TBX20: variants seen among roughly 807,000 people sequenced by gnomAD.
TBX20 encodes T-box transcription factor 20, also known as T-box transcription factor TBX20.
TBX20 carries 8 observed loss-of-function variants against 42.9 expected under a neutral mutation model. That is an observed-to-expected ratio of 0.19 (90% confidence interval 0.11 to 0.34). The LOEUF is 0.34. Ranked by LOEUF, TBX20 falls within the 10% of genes least tolerant of loss-of-function variation. The pLI is 1.00. For missense variants in TBX20, 411 were observed against 566.0 expected (o/e 0.73, Z 2.78); for synonymous variants, 198 against 222.8 (o/e 0.89, Z 0.99).
chr7:35,208,536 A>G (rs189379023), intron 6 of TBX20, among the ~76,000 whole-genome samples: 2,797 of 152,208 alleles, frequency 0.018, 43 homozygotes, highest in Middle Eastern at 0.031. Flanking sequence ...TGAGGTCGGG[A>G]GTTCAAGACC....
intron 1 of TBX20, among the ~76,000 whole-genome samples, chr7:35,253,124 G>C (rs201095103): frequency 7.1e-6 from 1 of 140,400 alleles, no homozygotes; most frequent in Non-Finnish European, 1.6e-5. Flanking sequence ...TAGCGTCTCC[G>C]TTTCAAACGC....
chr7:35,227,481 GT>G (rs2128712976), intron 6 of TBX20, among the ~76,000 whole-genome samples: 1 of 152,086 alleles, frequency 6.6e-6, no homozygotes, highest in South Asian at 2.1e-4. Flanking sequence ...CCTTTTTAAT[GT>G]TTAGGTACAT....
intron 6 of TBX20, among the ~76,000 whole-genome samples, chr7:35,228,920 G>A (rs987719760): frequency 2.0e-5 from 3 of 152,132 alleles, no homozygotes; most frequent in Admixed American, 6.6e-5. Context: ...TGAAGAGTAA[G>A]GCTACACACA....
In TBX20 at chr7:35,205,443, G is replaced by A. The variant is rs530539181; in HGVS notation, c.891-861C>T. 3.5e-3 allele frequency among the ~76,000 whole-genome samples: 527 copies of A among 151,686 alleles called. 2 individuals are homozygous for A. Among genetic ancestry groups the A allele is most frequent in the Non-Finnish European group, 4.8e-3 (329 of 67,962 alleles). ...TTAGTCTGCATGGCACACATTTCTG[G>A]AACAGCTGTGGCCCAAAGACCAATG... is the stretch of plus-strand genomic sequence containing the variant. On this transcript the variant is annotated intron_variant, in intron 6 of 7. Transcript: ENST00000408931.
intron 5 of TBX20, among the ~76,000 whole-genome samples, chr7:35,232,494 C>T (rs1046435134): frequency 2.2e-4 from 33 of 152,114 alleles, no homozygotes; most frequent in African/African-American, 8.0e-4. Flanking sequence ...TGGTCTTATC[C>T]GACAGATAAT....
At chr7:35,219,888 C>A (rs1789651500) in intron 6 of TBX20, among the ~76,000 whole-genome samples, 1 of 152,220 alleles carries the variant, frequency 6.6e-6, no homozygotes, top group South Asian at 2.1e-4. Flanking sequence ...CCAAATCCCA[C>A]TGGGCTTATG....
At chr7:35,210,612 T>C (rs926071485) in intron 6 of TBX20, among the ~76,000 whole-genome samples, 24 of 152,198 alleles carry the variant, frequency 1.6e-4, no homozygotes, top group Non-Finnish European at 2.6e-4. Context: ...TAGGACTGTA[T>C]ATTACCCTTG....
intron 6 of TBX20, among the ~76,000 whole-genome samples, chr7:35,217,151 T>C (rs1317699418): frequency 2.0e-5 from 3 of 152,222 alleles, no homozygotes; most frequent in Non-Finnish European, 4.4e-5. Flanking sequence ...TTTTAGGCTT[T>C]AGTTTATTTT....
At chr7:35,247,452 C>T (rs1394069700) in intron 3 of TBX20, among the ~76,000 whole-genome samples, 1 of 152,080 alleles carries the variant, frequency 6.6e-6, no homozygotes, top group East Asian at 1.9e-4. Context: ...GCTGGGAAGA[C>T]GCCCTTTCTG....
chr7:35,204,796 T>C (rs1167448475), intron 6 of TBX20, among the ~76,000 whole-genome samples: 1 of 152,136 alleles, frequency 6.6e-6, no homozygotes, highest in Non-Finnish European at 1.5e-5. Flanking sequence ...CAAGCAAACA[T>C]GACTGACTAG....
At position 35,245,319 on chromosome 7, in the gene TBX20, G is replaced by GGTGTGTGTGTGTGTGTGT. The variant is rs61706700; in HGVS notation, c.546-280_546-263dup. On this transcript the variant is annotated intron_variant, in intron 3 of 7. Coordinates refer to ENST00000408931, the MANE Select transcript of TBX20 (RefSeq NM_001077653.2). Reference sequence around the variant, plus strand: ...AGCTGAGCAAGGCATTGTTTAAAGGGGTGTGTGTGTGTGTGTGTGTGTGTG... The same window carrying GGTGTGTGTGTGTGTGTGT: ...AGCTGAGCAAGGCATTGTTTAAAGGGGTGTGTGTGTGTGTGTGTGTGTGTGTGTGTGTGTGTGTGTGTG... Among the ~76,000 whole-genome samples, 211 of 146,488 alleles carry GGTGTGTGTGTGTGTGTGT rather than the reference G, an allele frequency of 1.4e-3. 2 individuals carry two copies. The highest frequency in any genetic ancestry group is 8.5e-3 in the South Asian group (38 of 4,452).
chr7:35,208,288 TA>T (rs2128710180), intron 6 of TBX20, among the ~76,000 whole-genome samples: 1 of 152,300 alleles, frequency 6.6e-6, no homozygotes, highest in African/African-American at 2.4e-5. Flanking sequence ...GCCAAACACT[TA>T]TTTGTTCTAG....
chr7:35,237,741 A>T (rs1382002717), intron 5 of TBX20, among the ~76,000 whole-genome samples: 3 of 152,212 alleles, frequency 2.0e-5, no homozygotes, highest in African/African-American at 7.2e-5. Flanking sequence ...TTAAATTAGA[A>T]AATGTCATTA....
At position 35,253,796 on chromosome 7, in the gene TBX20, T is replaced by C. The variant is rs2128716662; in HGVS notation, c.-176A>G. 1.3e-6 allele frequency: 1 copy of C among 741,478 alleles called. No individual in the cohort carries two copies. The highest frequency in any genetic ancestry group is 2.1e-6 in the Non-Finnish European group (1 of 470,100). 45.9% of individuals were successfully genotyped at this position (741,478 alleles called of 1,614,324 possible). On this transcript the variant is annotated 5_prime_UTR_variant, in exon 1 of 8. Coordinates refer to ENST00000408931, the MANE Select transcript of TBX20 (RefSeq NM_001077653.2). ...TCCAGAGCTGCACACTGGCCTCTAT[T>C]CCCCACCGCAAAGCCCCAGAGCCGC...
chr7:35,232,820 C>G (rs1448206293), intron 5 of TBX20, among the ~76,000 whole-genome samples: 2 of 152,086 alleles, frequency 1.3e-5, no homozygotes, highest in Non-Finnish European at 2.9e-5. Flanking sequence ...GTCAGGAGTT[C>G]GAAACCAGCC....
chr7:35,206,611 A>ACACCACTGC (rs1789405112), intron 6 of TBX20, among the ~76,000 whole-genome samples: 1 of 152,220 alleles, frequency 6.6e-6, no homozygotes, highest in African/African-American at 2.4e-5. Flanking sequence ...CGCACCACTG[A>ACACCACTGC]CACCACTGCC....
At chr7:35,238,746 A>G (rs1230310732) in intron 5 of TBX20, among the ~76,000 whole-genome samples, 1 of 152,176 alleles carries the variant, frequency 6.6e-6, no homozygotes, top group African/African-American at 2.4e-5. Flanking sequence ...CCCAACTTTT[A>G]GTTTGGGCAT....
At chr7:35,239,441 A>T (rs971710362) in intron 5 of TBX20, among the ~76,000 whole-genome samples, 1 of 152,216 alleles carries the variant, frequency 6.6e-6, no homozygotes, top group Non-Finnish European at 1.5e-5. Context: ...AGACACAGAG[A>T]GGTCATAAAC....
intron 1 of TBX20, among the ~76,000 whole-genome samples, chr7:35,250,872 C>T (rs906082154): frequency 4.6e-5 from 7 of 152,274 alleles, no homozygotes; most frequent in South Asian, 4.1e-4. Flanking sequence ...ATGAAAGATG[C>T]TAGCATACAG....
Sources: gnomAD v4.1 joint callset for allele counts (sites outside exome capture counted in the v4.1 genomes callset) on GRCh38, gnomAD v4.1.1 for gene constraint, MANE v1.5 for transcripts, NCBI Gene and HGNC (gene_info 2026-07-23, HGNC 2026-07-21) for gene names.